The following TRIO variants were observed in gnomAD, a reference collection of about 807,000 sequenced individuals.
TRIO encodes the protein trio Rho guanine nucleotide exchange factor, also known as triple functional domain protein.
A neutral mutation model predicts 351.9 loss-of-function variants in TRIO; 58 were observed. The observed-to-expected ratio is 0.16, with a 90% CI of 0.13 to 0.21. The LOEUF (loss-of-function observed/expected upper bound fraction) is 0.21. Among genes scored for constraint, TRIO ranks in the 10% least tolerant of loss-of-function variants. TRIO has a pLI of 1.00. For synonymous variants in TRIO, 1,758 were observed against 1,595.7 expected (o/e 1.10, Z -2.42); for missense variants, 3,201 against 4,027.8 (o/e 0.79, Z 5.56).
At chr5:14,243,076 C>A (rs1279093137) in intron 1 of TRIO, among the ~76,000 whole-genome samples, 1 of 152,160 alleles carries the variant, frequency 6.6e-6, no homozygotes, top group East Asian at 1.9e-4. Context: ...CTTTATCAGG[C>A]CCCTCAGTGT....
chr5:14,156,325 A>G (rs913093767), intron 1 of TRIO, among the ~76,000 whole-genome samples: 1 of 152,212 alleles, frequency 6.6e-6, no homozygotes, highest in African/African-American at 2.4e-5. Flanking sequence ...AATGGTATTT[A>G]GAAACACGAT....
chr5:14,495,548 G>A (rs78471517), intron 49 of TRIO, among the ~76,000 whole-genome samples: 2,561 of 149,682 alleles, frequency 0.017, 55 homozygotes, highest in East Asian at 0.068. Context: ...CAGGCCAGGC[G>A]TAGTGGCTCA....
chr5:14,496,556 T>C (rs1482177460), intron 49 of TRIO, among the ~76,000 whole-genome samples: 2 of 152,208 alleles, frequency 1.3e-5, no homozygotes, highest in Non-Finnish European at 1.5e-5. Context: ...GTTCATCTTA[T>C]TCAGAAACAC....
intron 34 of TRIO, among the ~76,000 whole-genome samples, chr5:14,427,713 G>A (rs1468079556): frequency 2.0e-5 from 3 of 152,174 alleles, no homozygotes; most frequent in Non-Finnish European, 4.4e-5. Context: ...ATGTCAGCCA[G>A]TTCTTTGGTG....
intron 1 of TRIO, among the ~76,000 whole-genome samples, chr5:14,209,066 C>T (rs1791716228): frequency 6.6e-6 from 1 of 152,170 alleles, no homozygotes. Context: ...TCGCAGTTTG[C>T]CATTTTCTGT....
At chr5:14,284,999 C>T (rs1351638905) in intron 3 of TRIO, among the ~76,000 whole-genome samples, 1 of 152,112 alleles carries the variant, frequency 6.6e-6, no homozygotes, top group South Asian at 2.1e-4. Context: ...GGATTGCAAA[C>T]CCCATTAGAG....
In TRIO at chr5:14,286,905, G is replaced by A. The variant is rs1736489332; in HGVS notation, c.382G>A (p.Val128Met). The change falls in exon 4 of 57, where the codon GTG becomes ATG. Residue 128 changes from valine (V) to methionine (M), a missense_variant. By Grantham distance (21) the Val-to-Met change is conservative. Coordinates refer to ENST00000344204, the MANE Select transcript of TRIO (RefSeq NM_007118.4). This position sits in a 1 kb window ranked among gnomAD's most constrained non-coding sequence, Gnocchi z 4.4. ...EVCKRGFTVIVDMRGSKWDSI... is the reference protein window; with the variant it reads ...EVCKRGFTVIMDMRGSKWDSI... ...CTGCAAGCGTGGCTTCACGGTGATC[G>A]TGGACATGCGTGGGTCCAAGTGGGA... 1 of 1,613,824 alleles carries A rather than the reference G, an allele frequency of 6.2e-7. No individual in the cohort carries two copies. The highest frequency in any genetic ancestry group is 8.5e-7 in the Non-Finnish European group (1 of 1,179,842).
At chr5:14,337,656 G>C (rs1741547196) in intron 11 of TRIO, among the ~76,000 whole-genome samples, 1 of 152,156 alleles carries the variant, frequency 6.6e-6, no homozygotes, top group Non-Finnish European at 1.5e-5. Context: ...TCATTTCAAG[G>C]CATCAGTGCT....
intron 45 of TRIO, among the ~76,000 whole-genome samples, chr5:14,481,961 C>T (rs972797712): frequency 6.6e-6 from 1 of 151,684 alleles, no homozygotes. Context: ...AGTAGGACCT[C>T]GGAGGTCCCC....
chr5:14,216,333 T>C (rs1316971576), intron 1 of TRIO, among the ~76,000 whole-genome samples: 5 of 152,242 alleles, frequency 3.3e-5, no homozygotes, highest in Admixed American at 6.5e-5. Context: ...GAGCCAGCCA[T>C]AGAATTCACA....
chr5:14,202,900 A>G (rs889804202), intron 1 of TRIO, among the ~76,000 whole-genome samples: 3 of 151,746 alleles, frequency 2.0e-5, no homozygotes, highest in Non-Finnish European at 2.9e-5. Flanking sequence ...TTTATCAGCC[A>G]TGTGAAAAGG....
intron 11 of TRIO, among the ~76,000 whole-genome samples, chr5:14,349,180 T>C (rs932687398): frequency 6.6e-6 from 1 of 151,662 alleles, no homozygotes; most frequent in Non-Finnish European, 1.5e-5. Context: ...CATGTGTGTT[T>C]TTCCTGTGTG....
chr5:14,311,957 AC>A (rs1446029063), intron 8 of TRIO, among the ~76,000 whole-genome samples: 3 of 152,102 alleles, frequency 2.0e-5, no homozygotes, highest in African/African-American at 7.2e-5. Context: ...CTGCGTTTGG[AC>A]CTAATTGATA....
rs377482819 is a variant in TRIO, at chr5:14,390,279, T to G, written c.4107T>G (p.Val1369=). ...LEKYEQLPED[V]GHCFVTWADK... ...AATATGAACAGTTGCCAGAGGATGT[T>G]GGACATTGTTTTGTTACTTGGGTAA... The change falls in exon 26 of 57, where the codon GTT becomes GTG. Residue 1369 remains valine (V), a synonymous_variant. Coordinates refer to ENST00000344204, the MANE Select transcript of TRIO (RefSeq NM_007118.4). 6.2e-7 allele frequency: 1 copy of G among 1,614,014 alleles called. No individual in the cohort carries two copies. The highest frequency in any genetic ancestry group is 8.5e-7 in the Non-Finnish European group (1 of 1,180,030).
chr5:14,177,703 G>C lies in TRIO; in HGVS notation c.157+33821G>C, dbSNP rs905269503. Among the ~76,000 whole-genome samples the C allele has an allele frequency of 3.9e-5, 6 of 152,302 alleles. No individual in the cohort carries two copies. In the South Asian group the frequency reaches 1.2e-3, roughly 32 times the overall value. On this transcript the variant is annotated intron_variant, in intron 1 of 56. Coordinates refer to ENST00000344204, the MANE Select transcript of TRIO (RefSeq NM_007118.4). ...GGAAGAACCACTCCTCCTGTCTCCT[G>C]CCCAGAGGTCTCCCACTTCTCATCA...
chr5:14,299,406 C>A (rs1480683952), intron 7 of TRIO, among the ~76,000 whole-genome samples: 1 of 152,132 alleles, frequency 6.6e-6, no homozygotes, highest in Non-Finnish European at 1.5e-5. Context: ...AGAAGGAGCC[C>A]AGCGTGTATT....
Position 14,498,112 on chromosome 5 carries a change from T to C in TRIO, c.8071T>C (p.Leu2691=), listed in dbSNP as rs759280456. ...AGTTCCCCCAGAATTCGTCATTCCATTGAGTGAGGTCACGTGTGAGACAGG... is the reference window on the plus strand; with the variant it reads ...AGTTCCCCCAGAATTCGTCATTCCACTGAGTGAGGTCACGTGTGAGACAGG... ...YDVPPEFVIP[L]SEVTCETGET... Residue 2691 remains leucine, a synonymous_variant, in exon 52 of 57, where the codon TTG becomes CTG. Transcript: ENST00000344204. The C allele has an allele frequency of 6.2e-7, 1 of 1,614,196 alleles. No homozygotes were observed. Among genetic ancestry groups the C allele is most frequent in the Non-Finnish European group, 8.5e-7 (1 of 1,180,040 alleles).
intron 1 of TRIO, among the ~76,000 whole-genome samples, chr5:14,231,150 T>A (rs1019781664): frequency 6.6e-6 from 1 of 152,256 alleles, no homozygotes; most frequent in African/African-American, 2.4e-5. Flanking sequence ...GATCCTCTTG[T>A]GACCCCGTTA....
intron 35 of TRIO, among the ~76,000 whole-genome samples, chr5:14,462,244 C>T (rs1753881324): frequency 6.6e-6 from 1 of 152,148 alleles, no homozygotes; most frequent in South Asian, 2.1e-4. Context: ...TCTTGATAAA[C>T]CTCTGTCCTC....
Sources: gnomAD v4.1 joint callset for allele counts (sites outside exome capture counted in the v4.1 genomes callset) on GRCh38, gnomAD v4.1.1 for gene constraint, Gnocchi (gnomAD v3.1) non-coding constraint, MANE v1.5 for transcripts, NCBI Gene and HGNC (gene_info 2026-07-23, HGNC 2026-07-21) for gene names.